The following CHN1 variants were observed in gnomAD, a reference collection of about 807,000 sequenced individuals.
CHN1 encodes the protein chimerin 1.
In CHN1, 37 loss-of-function variants were observed where a neutral mutation model predicts 59.5. The ratio of observed to expected loss-of-function variants is 0.62; its 90% CI spans 0.48 to 0.82. CHN1 has a LOEUF of 0.82. CHN1 is among the 40% of genes least tolerant of loss of function. CHN1 has a pLI of 0.00. For synonymous variants in CHN1, 206 were observed against 200.4 expected (o/e 1.03, Z -0.24); for missense variants, 469 against 571.0 (o/e 0.82, Z 1.82).
intron 5 of CHN1, among the ~76,000 whole-genome samples, chr2:174,907,432 A>G (rs1023380861): frequency 4.6e-5 from 7 of 152,276 alleles, no homozygotes; most frequent in East Asian, 1.9e-4. Flanking sequence ...AGAGGCCTCT[A>G]TGACTTTTCT....
intron 1 of CHN1, among the ~76,000 whole-genome samples, chr2:174,964,000 C>T (rs564118917): frequency 1.3e-5 from 2 of 152,218 alleles, no homozygotes; most frequent in South Asian, 4.2e-4. Flanking sequence ...CAAAATAAGC[C>T]TAAGTTAATT....
rs141941202 is a variant in CHN1, at chr2:174,820,933, T to G, written c.712+3501A>C. ...CATTCCTGACAAGCTCTCTTTTGCC[T>G]CGGTGGATTTTGAAAAAAGAAGGCA... On this transcript the variant is annotated intron_variant, in intron 8 of 12. Transcript: ENST00000409900. 2.3e-3 allele frequency among the ~76,000 whole-genome samples: 350 copies of G among 152,296 alleles called. 2 individuals are homozygous for G. Among genetic ancestry groups the G allele is most frequent in the African/African-American group, 8.1e-3 (337 of 41,574 alleles).
chr2:174,999,501 A>T (rs1460809109), intron 1 of CHN1, among the ~76,000 whole-genome samples: 1 of 152,204 alleles, frequency 6.6e-6, no homozygotes, highest in Non-Finnish European at 1.5e-5. Context: ...AGGTTAAAAC[A>T]ATCTTATGAA....
At chr2:175,001,691 C>G (rs1043602574) in intron 1 of CHN1, among the ~76,000 whole-genome samples, 1 of 152,194 alleles carries the variant, frequency 6.6e-6, no homozygotes, top group African/African-American at 2.4e-5. Flanking sequence ...GCCAGCCCAG[C>G]CGACGGTAAC....
chr2:174,936,767 C>T (rs1180857843), intron 3 of CHN1, among the ~76,000 whole-genome samples: 1 of 152,082 alleles, frequency 6.6e-6, no homozygotes, highest in African/African-American at 2.4e-5. Context: ...TTTCACTTTA[C>T]TTGCTAACTT....
chr2:174,940,878 T>C (rs1220620199), intron 3 of CHN1, among the ~76,000 whole-genome samples: 3 of 152,220 alleles, frequency 2.0e-5, no homozygotes, highest in Non-Finnish European at 4.4e-5. Flanking sequence ...TAACATCCAA[T>C]GACTGATGAT....
chr2:174,860,436 C>T (rs766085583), intron 6 of CHN1, among the ~76,000 whole-genome samples: 93 of 151,814 alleles, frequency 6.1e-4, no homozygotes, highest in Non-Finnish European at 1.0e-3. Flanking sequence ...AGACATATGG[C>T]CAAAGTGTAA....
intron 5 of CHN1, among the ~76,000 whole-genome samples, chr2:174,881,263 C>A (rs1687724890): frequency 6.6e-6 from 1 of 152,016 alleles, no homozygotes; most frequent in Admixed American, 6.6e-5. Context: ...TGCTTATGTC[C>A]AAGTACAAAA....
chr2:174,837,117 A>G (rs989124209), intron 7 of CHN1: 4 of 152,218 alleles, frequency 2.6e-5, no homozygotes, highest in Non-Finnish European at 5.9e-5. Context: ...CAACTGTTCC[A>G]TCAAATAGTA....
chr2:174,847,922 A>G (rs1686591093), intron 6 of CHN1, among the ~76,000 whole-genome samples: 1 of 152,186 alleles, frequency 6.6e-6, no homozygotes, highest in African/African-American at 2.4e-5. Flanking sequence ...AAAATAATGC[A>G]GCACCACTGC....
chr2:174,943,182 TTGTGTGTG>T lies in CHN1; in HGVS notation c.114+1698_114+1705del, dbSNP rs3056103. 6.7e-3 allele frequency among the ~76,000 whole-genome samples: 1,008 copies of T among 149,728 alleles called. 14 individuals are homozygous for T. The highest frequency in any genetic ancestry group is 0.023 in the African/African-American group (946 of 40,936). On this transcript the variant is annotated intron_variant, in intron 3 of 12. Coordinates refer to ENST00000409900, the MANE Select transcript of CHN1 (RefSeq NM_001822.7). ...ATTTGTATTCAATTTTAGGGTTTGC[TTGTGTGTG>T]TGTGTGTGTGTGTGTGTGTATGTGT...
At chr2:174,846,344 G>GAGA (rs1558949957) in intron 7 of CHN1, 1 of 1,549,198 alleles carries the variant, frequency 6.5e-7, no homozygotes, top group Non-Finnish European at 8.7e-7. Flanking sequence ...AAAAAGTGAG[G>GAGA]AGAAGCTGCT....
intron 7 of CHN1, among the ~76,000 whole-genome samples, chr2:174,838,739 G>A (rs1200716927): frequency 6.6e-6 from 1 of 152,196 alleles, no homozygotes. Context: ...TACAGGCCAG[G>A]TGCAGTGGTT....
intron 1 of CHN1, among the ~76,000 whole-genome samples, chr2:174,979,788 G>T (rs1318424958): frequency 6.6e-6 from 1 of 152,160 alleles, no homozygotes; most frequent in African/African-American, 2.4e-5. Context: ...AGCTGAGGCA[G>T]GAGAATTGCT....
intron 6 of CHN1, among the ~76,000 whole-genome samples, chr2:174,857,700 T>C (rs185295195): frequency 6.6e-6 from 1 of 152,256 alleles, no homozygotes; most frequent in Admixed American, 6.5e-5. Context: ...CCCCCATGAA[T>C]CTGAGGGGAT....
rs561466254 is a variant in CHN1 at position 174,843,721 on chromosome 2, G to C, written c.627+3159C>G. ...TCAGAAAAAAAAAAAAACCCACTTA[G>C]GGGTATTTGTAGTAACAAAAATAGT... On this transcript the variant is annotated intron_variant, in intron 7 of 12. Coordinates refer to ENST00000409900, the MANE Select transcript of CHN1 (RefSeq NM_001822.7). 7.9e-5 allele frequency among the ~76,000 whole-genome samples: 12 copies of C among 151,172 alleles called. No homozygotes were observed. In the East Asian group the frequency reaches 2.3e-3, roughly 29 times the overall value.
At position 174,918,541 on chromosome 2, in the gene CHN1, C is replaced by T; in HGVS notation, c.139G>A (p.Gly47Arg). 4 of 1,589,860 alleles carry T rather than the reference C, an allele frequency of 2.5e-6. No homozygotes were observed. The highest frequency in any genetic ancestry group is 3.4e-6 in the Non-Finnish European group (4 of 1,166,926). Residue 47 changes from glycine to arginine, a missense_variant, in exon 4 of 13, where the codon GGA (glycine) becomes AGA (arginine). Gly to Arg is a moderately radical substitution (Grantham distance 125). Transcript: ENST00000409900. ...CEVENRPKYY[G>R]REFHGMISRE... ...CTAATAATCCATACTTACTCTCTTC[C>T]ATAATACTTTGGTCTGTTTTCCACC...
chr2:174,987,746 C>A (rs994691142), intron 1 of CHN1, among the ~76,000 whole-genome samples: 1 of 152,132 alleles, frequency 6.6e-6, no homozygotes, highest in East Asian at 1.9e-4. Context: ...TTATAATATT[C>A]TTTTACAGAG....
At chr2:174,924,615 G>C (rs765274771) in intron 3 of CHN1, among the ~76,000 whole-genome samples, 2 of 152,134 alleles carry the variant, frequency 1.3e-5, no homozygotes, top group Non-Finnish European at 2.9e-5. Flanking sequence ...GTTTTGCTGA[G>C]ATCTAAGGTA....
Sources: gnomAD v4.1 joint callset for allele counts (sites outside exome capture counted in the v4.1 genomes callset) on GRCh38, gnomAD v4.1.1 for gene constraint, MANE v1.5 for transcripts, NCBI Gene and HGNC (gene_info 2026-07-23, HGNC 2026-07-21) for gene names.